CSNK2B: variants seen among roughly 807,000 people sequenced by gnomAD.
CSNK2B encodes the protein casein kinase 2 beta.
A neutral mutation model predicts 28.8 loss-of-function variants in CSNK2B; 2 were observed. The observed-to-expected ratio is 0.07, with a 90% CI of 0.03 to 0.22. CSNK2B has a LOEUF of 0.22. Ranked by LOEUF, CSNK2B falls within the 10% of genes least tolerant of loss-of-function variation. The probability of loss-of-function intolerance (pLI) is 1.00; values close to 1 mark genes in which losing one functional copy is unlikely to be tolerated. For missense variants in CSNK2B, 107 were observed against 277.9 expected (o/e 0.39, Z 4.37); for synonymous variants, 89 against 96.1 (o/e 0.93, Z 0.43).
rs1166647571 is a variant in CSNK2B, at chr6:31,669,081, A to G, written c.292-16A>G. ...TTACATCTACCTGCCAACCCCTTCC[A>G]TTGTATTCACCTCAGTTGGAAAAGT... On this transcript the variant is annotated splice_polypyrimidine_tract_variant and intron_variant, in intron 4 of 6. Coordinates refer to ENST00000375882, the MANE Select transcript of CSNK2B (RefSeq NM_001320.7). The surrounding 1 kb of genome is among the most constrained non-coding windows in gnomAD (Gnocchi z 4.8). 2.5e-6 allele frequency: 4 copies of G among 1,609,560 alleles called. No homozygotes were observed. The South Asian group carries it at 3.3e-5, about 13-fold the overall frequency.
rs1802040389 is a variant in CSNK2B at position 31,669,646 on chromosome 6, AG to A, written c.557+139del. ...TCTCCCTGCTGAGTGACTGTGGGAA[AG>A]TTATTTGATTATCTGTGCTTGAGTT... is the stretch of plus-strand genomic sequence containing the variant. On this transcript the variant is annotated intron_variant, in intron 6 of 6. Coordinates refer to ENST00000375882, the MANE Select transcript of CSNK2B (RefSeq NM_001320.7). The surrounding 1 kb of genome is among the most constrained non-coding windows in gnomAD (Gnocchi z 4.8). 8.9e-7 allele frequency: 1 copy of A among 1,118,494 alleles called. No homozygotes were observed. The highest frequency in any genetic ancestry group is 1.3e-6 in the Non-Finnish European group (1 of 787,568). The allele number at this position is 1,118,494 out of a possible 1,614,324, so 69.3% of individuals were successfully genotyped here.
rs191941960 is a variant in CSNK2B at position 31,666,920 on chromosome 6, C to G, written c.72+17C>G. The G allele has an allele frequency of 7.5e-6, 12 of 1,598,774 alleles. No homozygotes were observed. The East Asian group carries it at 2.5e-4, about 33-fold the overall frequency. On this transcript the variant is annotated intron_variant, in intron 2 of 6. Coordinates refer to ENST00000375882, the MANE Select transcript of CSNK2B (RefSeq NM_001320.7). Reference sequence around the variant, plus strand: ...TTCTGTGAAGTGAGTTCTCTTCAACCTCCCTACTTGCCAGCTTCACATATC... The same window carrying G: ...TTCTGTGAAGTGAGTTCTCTTCAACGTCCCTACTTGCCAGCTTCACATATC...
chr6:31,668,283 G>T, intron 3 of CSNK2B: 2 of 601,564 alleles, frequency 3.3e-6, no homozygotes, highest in Non-Finnish European at 5.9e-6. Context: ...CATTGTTGCA[G>T]TTATGTATTG....
rs1047223711 is a variant in CSNK2B, at chr6:31,669,650, A to G, written c.557+142A>G. On this transcript the variant is annotated intron_variant, in intron 6 of 6. Coordinates refer to ENST00000375882, the MANE Select transcript of CSNK2B (RefSeq NM_001320.7). The surrounding 1 kb of genome is among the most constrained non-coding windows in gnomAD (Gnocchi z 4.8). ...CCTGCTGAGTGACTGTGGGAAAGTT[A>G]TTTGATTATCTGTGCTTGAGTTACC... 2 of 1,105,110 alleles carry G rather than the reference A, an allele frequency of 1.8e-6. No individual in the cohort carries two copies. The highest frequency in any genetic ancestry group is 1.6e-5 in the African/African-American group (1 of 63,648). The allele number at this position is 1,105,110 out of a possible 1,614,324, so 68.5% of individuals were successfully genotyped here.
chr6:31,669,569 G>A lies in CSNK2B; in HGVS notation c.557+61G>A. On this transcript the variant is annotated intron_variant, in intron 6 of 6. Coordinates refer to ENST00000375882, the MANE Select transcript of CSNK2B (RefSeq NM_001320.7). The surrounding 1 kb of genome is among the most constrained non-coding windows in gnomAD (Gnocchi z 4.8). The stretch of plus-strand genomic sequence containing the variant: ...AAGGCCCAAGATCCCCCAGAGAGGG[G>A]AGGACAGGGCATGGCCCTTTCTTGA... The A allele has an allele frequency of 1.9e-6, 3 of 1,552,434 alleles. No homozygotes were observed. Among genetic ancestry groups the A allele is most frequent in the Non-Finnish European group, 2.6e-6 (3 of 1,148,608 alleles).
chr6:31,669,622 C>A lies in CSNK2B; in HGVS notation c.557+114C>A. 8.2e-7 allele frequency: 1 copy of A among 1,212,200 alleles called. No individual in the cohort carries two copies. Among genetic ancestry groups the A allele is most frequent in the East Asian group, 2.3e-5 (1 of 42,658 alleles). 75.1% of individuals were successfully genotyped at this position (1,212,200 alleles called of 1,614,324 possible). ...TCTGCTTCTCCCAGAATCAGGGCATCTCCCTGCTGAGTGACTGTGGGAAAG... is the reference window on the plus strand; with the variant it reads ...TCTGCTTCTCCCAGAATCAGGGCATATCCCTGCTGAGTGACTGTGGGAAAG... On this transcript the variant is annotated intron_variant, in intron 6 of 6. Transcript: ENST00000375882. The surrounding 1 kb of genome is among the most constrained non-coding windows in gnomAD (Gnocchi z 4.8).
chr6:31,669,185 G>C lies in CSNK2B; in HGVS notation c.367+13G>C. ...ATGCTTCCCATTGGTGAGTGTTGAA[G>C]AAGGGAAAGGAAAGCACCGTGTGGC... On this transcript the variant is annotated intron_variant, in intron 5 of 6. Coordinates refer to ENST00000375882, the MANE Select transcript of CSNK2B (RefSeq NM_001320.7). This position sits in a 1 kb window ranked among gnomAD's most constrained non-coding sequence, Gnocchi z 4.8. The C allele has an allele frequency of 6.2e-7, 1 of 1,612,490 alleles. No homozygotes were observed. The highest frequency in any genetic ancestry group is 8.5e-7 in the Non-Finnish European group (1 of 1,178,642).
intron 2 of CSNK2B, 78 bp from the exon 3 acceptor site, chr6:31,667,790 C>CATCA: frequency 1.4e-6 from 1 of 703,726 alleles, no homozygotes; most frequent in South Asian, 2.2e-5. Flanking sequence ...GATGATAAGG[C>CATCA]ATCACTTAGA....
At position 31,666,097 on chromosome 6, in the gene CSNK2B, C is replaced by A; in HGVS notation, c.-123C>A. 3.0e-6 allele frequency: 3 copies of A among 993,938 alleles called. No individual in the cohort carries two copies. Among genetic ancestry groups the A allele is most frequent in the Non-Finnish European group, 3.6e-6 (3 of 833,618 alleles). The allele number at this position is 993,938 out of a possible 1,614,324, so 61.6% of individuals were successfully genotyped here. A position where few individuals can be genotyped will look rare whatever the true frequency, so the allele number is the denominator to read the frequency against. On this transcript the variant is annotated 5_prime_UTR_variant, in exon 1 of 7. Transcript: ENST00000375882. ...CCCTCCCTAATTTCCACTCCCCCCA[C>A]CCCACTTCGCCTGCCGCGGTCGGGT...
rs1340709909 is a variant in CSNK2B at position 31,667,065 on chromosome 6, G to A, written c.72+162G>A. 4.2e-6 allele frequency: 3 copies of A among 720,356 alleles called. No individual in the cohort carries two copies. In the African/African-American group the frequency reaches 5.2e-5, roughly 13 times the overall value. The allele number at this position is 720,356 out of a possible 1,614,324, so 44.6% of individuals were successfully genotyped here. On this transcript the variant is annotated intron_variant, in intron 2 of 6. Transcript: ENST00000375882. The stretch of plus-strand genomic sequence containing the variant: ...ACCCCGACGAACCTGTGCTAAAGTG[G>A]CAAAACTGGGGCCCAAGTCCTGAGT...
At chr6:31,668,385 C>G in intron 3 of CSNK2B, 154 bp from the exon 4 acceptor site, 1 of 640,748 alleles carries the variant, frequency 1.6e-6, no homozygotes, top group Non-Finnish European at 2.8e-6. Context: ...GGGTCAGAAG[C>G]CCAGGTTTCT....
In CSNK2B at chr6:31,666,159, G is replaced by A. The variant is rs1389082597; in HGVS notation, c.-61G>A. On this transcript the variant is annotated 5_prime_UTR_variant, in exon 1 of 7. Transcript: ENST00000375882. ...GCTGTAGCGGTCGCCGCCGTTCCCT[G>A]GAAGTAGCAACTTCCCTACCCCACC... 4 of 990,128 alleles carry A rather than the reference G, an allele frequency of 4.0e-6. No homozygotes were observed. In the Admixed American group the frequency reaches 1.7e-4, roughly 43 times the overall value. The allele number at this position is 990,128 out of a possible 1,614,324, so 61.3% of individuals were successfully genotyped here. A position where few individuals can be genotyped will look rare whatever the true frequency, so the allele number is the denominator to read the frequency against.
chr6:31,667,014 C>A, intron 2 of CSNK2B, 111 bp downstream of exon 2: 1 of 971,938 alleles, frequency 1.0e-6, no homozygotes, highest in Non-Finnish European at 1.6e-6. Flanking sequence ...TGAAAACTTC[C>A]TATCAGCAAA....
intron 1 of CSNK2B, 40 bp downstream of exon 1, chr6:31,666,248 T>A (rs1471695078): frequency 1.0e-6 from 1 of 954,892 alleles, no homozygotes; most frequent in Non-Finnish European, 1.3e-6. Flanking sequence ...CCCTTGTCGC[T>A]GGGAGCGGCA....
chr6:31,668,422 G>A, intron 3 of CSNK2B, 117 bp from the exon 4 acceptor site: 2 of 823,088 alleles, frequency 2.4e-6, no homozygotes, highest in Admixed American at 2.2e-5. Context: ...TGTTGGATGG[G>A]GTAAGGCCCA....
intron 1 of CSNK2B, 64 bp from the exon 2 acceptor site, chr6:31,666,757 G>A: frequency 3.0e-6 from 4 of 1,350,260 alleles, no homozygotes; most frequent in Non-Finnish European, 4.2e-6. Flanking sequence ...GAATGTGGGA[G>A]GAGGGAGGAT....
At position 31,669,884 on chromosome 6, in the gene CSNK2B, A is replaced by G. The variant is rs762126820; in HGVS notation, c.606A>G (p.Gln202=). 2.8e-5 allele frequency: 45 copies of G among 1,612,888 alleles called. No homozygotes were observed. Among genetic ancestry groups the G allele is most frequent in the East Asian group, 6.7e-5 (3 of 44,894 alleles). The change falls in exon 7 of 7, where the codon CAA becomes CAG. Residue 202 remains glutamine, a synonymous_variant. Transcript: ENST00000375882. The surrounding 1 kb of genome is among the most constrained non-coding windows in gnomAD (Gnocchi z 4.8). ...CGATGGCCTACCAGCTGCAGCTCCA[A>G]GCCGCCAGCAACTTCAAGAGCCCAG... The part of the protein sequence containing the change: ...IHPMAYQLQL[Q]AASNFKSPVK...
In CSNK2B at chr6:31,669,236, C is replaced by G; in HGVS notation, c.367+64C>G. 1.2e-6 allele frequency: 2 copies of G among 1,602,008 alleles called. No individual in the cohort carries two copies. The highest frequency in any genetic ancestry group is 3.3e-4 in the Middle Eastern group (2 of 6,032). The stretch of plus-strand genomic sequence containing the variant: ...AGTCTTATGGGAAGGAGTTGGGGCT[C>G]AACACATTGGAGCCTGAGTCCTGAG... On this transcript the variant is annotated intron_variant, in intron 5 of 6. Transcript: ENST00000375882. The surrounding 1 kb of genome is among the most constrained non-coding windows in gnomAD (Gnocchi z 4.8).
intron 3 of CSNK2B, 141 bp downstream of exon 3, chr6:31,668,111 C>A: frequency 1.4e-6 from 1 of 710,038 alleles, no homozygotes; most frequent in South Asian, 1.5e-5. Context: ...TTTGATCCTC[C>A]ACCTGACTCT....
Sources: gnomAD v4.1 joint callset for allele counts on GRCh38, gnomAD v4.1.1 for gene constraint, Gnocchi (gnomAD v3.1) non-coding constraint, MANE v1.5 for transcripts, NCBI Gene and HGNC (gene_info 2026-07-23, HGNC 2026-07-21) for gene names.